UGT2B11: variants seen among roughly 807,000 people sequenced by gnomAD.
UGT2B11 encodes UDP glucuronosyltransferase family 2 member B11.
In UGT2B11, 49 loss-of-function variants were observed where a neutral mutation model predicts 51.7. That is an observed-to-expected ratio of 0.95 (90% CI 0.75 to 1.20). The LOEUF (loss-of-function observed/expected upper bound fraction) is 1.20. UGT2B11 is among the 50% of genes most tolerant of loss of function. UGT2B11 has a pLI of 0.00. For missense variants in UGT2B11, 810 were observed against 622.1 expected (o/e 1.30, Z -3.21); for synonymous variants, 273 against 209.0 (o/e 1.31, Z -2.64).
intron 5 of UGT2B11, among the ~76,000 whole-genome samples, chr4:69,202,174 A>G (rs961436026): frequency 6.6e-6 from 1 of 151,780 alleles, no homozygotes; most frequent in African/African-American, 2.4e-5. Flanking sequence ...TCTTCATTTT[A>G]TGATGAATAG....
At chr4:69,206,142 A>C (rs1439843977) in intron 3 of UGT2B11, among the ~76,000 whole-genome samples, 1 of 151,474 alleles carries the variant, frequency 6.6e-6, no homozygotes, top group Non-Finnish European at 1.5e-5. Context: ...GCAAAGGACT[A>C]TAACTGGTTC....
intron 2 of UGT2B11, among the ~76,000 whole-genome samples, chr4:69,210,851 C>A (rs1012101629): frequency 6.6e-6 from 1 of 151,536 alleles, no homozygotes; most frequent in African/African-American, 2.4e-5. Flanking sequence ...CATAATAATG[C>A]ATTGAAGAAT....
Position 69,202,969 on chromosome 4 carries a change from A to G in UGT2B11, c.1310+1461T>C, listed in dbSNP as rs558970652. Among the ~76,000 whole-genome samples the G allele has an allele frequency of 2.6e-5, 4 of 151,794 alleles. No homozygotes were observed. In the South Asian group the frequency reaches 8.3e-4, roughly 31 times the overall value. On this transcript the variant is annotated intron_variant, in intron 5 of 5. Coordinates refer to ENST00000446444, the MANE Select transcript of UGT2B11 (RefSeq NM_001073.3). ...TGAATTGATGGTAGCTGGACTCCGCAGGTAATTTTTCACATTGTTATCTTT... is the reference window on the plus strand; with the variant it reads ...TGAATTGATGGTAGCTGGACTCCGCGGGTAATTTTTCACATTGTTATCTTT...
At position 69,214,196 on chromosome 4, in the gene UGT2B11, G is replaced by A. The variant is rs759232975; in HGVS notation, c.527C>T (p.Pro176Leu). 18 of 1,612,944 alleles carry A rather than the reference G, an allele frequency of 1.1e-5. No homozygotes were observed. The highest frequency in any genetic ancestry group is 1.4e-5 in the Non-Finnish European group (16 of 1,179,424). The change falls in exon 1 of 6, where the codon CCT becomes CTT. Residue 176 changes from proline (P) to leucine (L), a missense_variant. Physicochemically the swap from Pro to Leu is moderately conservative, Grantham distance 98. Coordinates refer to ENST00000446444, the MANE Select transcript of UGT2B11 (RefSeq NM_001073.3). Reference sequence around the variant, plus strand: ...ACTGTGCCTTTCAATTGTGTAGCCAGGAGTAAAGCGGAGACTGTACACAAA... The same window carrying A: ...ACTGTGCCTTTCAATTGTGTAGCCAAGAGTAAAGCGGAGACTGTACACAAA... Reference protein sequence around the residue: ...IRFVYSLRFTPGYTIERHSGG... With the variant: ...IRFVYSLRFTLGYTIERHSGG...
upstream of UGT2B11, among the ~76,000 whole-genome samples, chr4:69,218,356 C>A (rs369771356): frequency 6.6e-6 from 1 of 151,844 alleles, no homozygotes; most frequent in Admixed American, 6.6e-5. Flanking sequence ...CACAAATAGA[C>A]CCTGGAATGT....
At chr4:69,201,761 T>C (rs764254338) in intron 5 of UGT2B11, among the ~76,000 whole-genome samples, 46 of 151,782 alleles carry the variant, frequency 3.0e-4, no homozygotes, top group African/African-American at 9.9e-4. Flanking sequence ...TATTTTCTAT[T>C]TGATTCCTAG....
chr4:69,219,439 T>C (rs900784375), upstream of UGT2B11, among the ~76,000 whole-genome samples: 6 of 152,092 alleles, frequency 3.9e-5, no homozygotes, highest in African/African-American at 1.4e-4. Flanking sequence ...ACAGGGGCTT[T>C]TTAGTTCAGT....
At chr4:69,219,433 G>A (rs1722356282), upstream of UGT2B11, among the ~76,000 whole-genome samples, 1 of 151,946 alleles carries the variant, frequency 6.6e-6, no homozygotes, top group African/African-American at 2.4e-5. Flanking sequence ...TGTTGCACAG[G>A]GGCTTTTTAG....
chr4:69,210,162 A>C (rs1378100531), intron 2 of UGT2B11, among the ~76,000 whole-genome samples: 4 of 151,536 alleles, frequency 2.6e-5, no homozygotes, highest in Non-Finnish European at 5.9e-5. Flanking sequence ...TGATGGTGTA[A>C]TTGAACATTT....
At chr4:69,224,165 A>C in the UGT2B11 span, among the ~76,000 whole-genome samples, 15 of 152,252 alleles carry the variant, frequency 9.9e-5, no homozygotes, top group Non-Finnish European at 1.8e-4. Context: ...GAGAATCTTC[A>C]TCCTGCCTAG....
chr4:69,210,082 A>T (rs1233245032), intron 2 of UGT2B11, among the ~76,000 whole-genome samples: 1 of 151,546 alleles, frequency 6.6e-6, no homozygotes, highest in African/African-American at 2.4e-5. Context: ...TTGTATATAC[A>T]TTTTATCCTG....
the UGT2B11 span, among the ~76,000 whole-genome samples, chr4:69,221,120 T>C: frequency 6.6e-6 from 1 of 151,926 alleles, no homozygotes; most frequent in Admixed American, 6.6e-5. Context: ...ACATGGGAGG[T>C]GCTAGAAAGG....
At chr4:69,210,206 A>G (rs1165908840) in intron 2 of UGT2B11, among the ~76,000 whole-genome samples, 1 of 151,632 alleles carries the variant, frequency 6.6e-6, no homozygotes, top group Non-Finnish European at 1.5e-5. Flanking sequence ...TATTGTATGC[A>G]CATACATTTT....
upstream of UGT2B11, chr4:69,215,867 C>T (rs1220321498): frequency 1.3e-5 from 2 of 151,972 alleles, no homozygotes; most frequent in African/African-American, 2.4e-5. Flanking sequence ...TTTCCTTCCA[C>T]ATATTGGAGG....
At chr4:69,210,371 T>C (rs1722015951) in intron 2 of UGT2B11, among the ~76,000 whole-genome samples, 1 of 151,622 alleles carries the variant, frequency 6.6e-6, no homozygotes, top group African/African-American at 2.4e-5. Flanking sequence ...CTTGATGCAG[T>C]TTGTCAAGTG....
At chr4:69,224,200 G>A in the UGT2B11 span, among the ~76,000 whole-genome samples, 2 of 152,128 alleles carry the variant, frequency 1.3e-5, no homozygotes, top group African/African-American at 2.4e-5. Context: ...CTTGCGAGAT[G>A]AGGAAAGAAG....
intron 4 of UGT2B11, 93 bp from the exon 5 acceptor site, chr4:69,204,742 C>G: frequency 6.3e-7 from 1 of 1,576,936 alleles, no homozygotes; most frequent in Non-Finnish European, 8.7e-7. Context: ...TTCTAGATAA[C>G]ACATTGAACT....
At chr4:69,208,739 G>A (rs1004936562) in intron 2 of UGT2B11, among the ~76,000 whole-genome samples, 1 of 151,566 alleles carries the variant, frequency 6.6e-6, no homozygotes, top group Non-Finnish European at 1.5e-5. Flanking sequence ...GAAAGAAATG[G>A]AGCTATTACA....
At chr4:69,222,744 C>T in the UGT2B11 span, among the ~76,000 whole-genome samples, 1 of 152,296 alleles carries the variant, frequency 6.6e-6, no homozygotes, top group Middle Eastern at 3.4e-3. Flanking sequence ...TGAGAATTTC[C>T]CTAAATTTGC....
Sources: gnomAD v4.1 joint callset for allele counts (sites outside exome capture counted in the v4.1 genomes callset) on GRCh38, gnomAD v4.1.1 for gene constraint, MANE v1.5 for transcripts, NCBI Gene and HGNC (gene_info 2026-07-23, HGNC 2026-07-21) for gene names.